The following EDIL3 variants were observed in gnomAD, a reference collection of about 807,000 sequenced individuals.
EDIL3 encodes the protein EGF-like repeat and discoidin I-like domain-containing protein 3.
A neutral mutation model predicts 67.4 loss-of-function variants in EDIL3; 37 were observed. That is an observed-to-expected ratio of 0.55 (90% CI 0.42 to 0.72). The LOEUF (loss-of-function observed/expected upper bound fraction) is 0.72, where lower values mean the gene tolerates loss of function less well. Among genes scored for constraint, EDIL3 ranks in the 30% least tolerant of loss-of-function variants. EDIL3 has a pLI of 0.00. For synonymous variants in EDIL3, 195 were observed against 196.3 expected (o/e 0.99, Z 0.05); for missense variants, 527 against 586.3 (o/e 0.90, Z 1.04).
At chr5:84,242,584 G>A (rs1744818015) in intron 2 of EDIL3, among the ~76,000 whole-genome samples, 1 of 151,964 alleles carries the variant, frequency 6.6e-6, no homozygotes, top group African/African-American at 2.4e-5. Context: ...GATTGCTTGA[G>A]CCCAGAAGTT....
Position 84,254,091 on chromosome 5 carries a change from C to T in EDIL3, c.189G>A (p.Val63=), listed in dbSNP as rs754940483. The change falls in exon 2 of 11, where the codon GTG becomes GTA. Residue 63 remains valine, a synonymous_variant. Coordinates refer to ENST00000296591, the MANE Select transcript of EDIL3 (RefSeq NM_005711.5). ...GFTDPNCSSV[V]EVASDEEEPT... is the part of the protein sequence containing the mutation. ...CTTAAATTTTGCACTTACCAACCTC[C>T]ACAACACTAGAACAGTTGGGGTCTG... The T allele has an allele frequency of 5.0e-6, 8 of 1,596,688 alleles. No individual in the cohort carries two copies. The Admixed American group carries it at 5.2e-5, about 10-fold the overall frequency.
intron 9 of EDIL3, among the ~76,000 whole-genome samples, chr5:84,032,515 T>A (rs560703635): frequency 2.0e-5 from 3 of 152,320 alleles, no homozygotes; most frequent in African/African-American, 7.2e-5. Flanking sequence ...TTCTTTTTTT[T>A]TAAATAAACT....
At chr5:84,323,519 G>A (rs113002507) in intron 1 of EDIL3, among the ~76,000 whole-genome samples, 428 of 151,898 alleles carry the variant, frequency 2.8e-3, no homozygotes, top group African/African-American at 0.01. Flanking sequence ...AAAGGTATAA[G>A]GTATAAAGGA....
chr5:84,107,872 A>G (rs1260430119), intron 5 of EDIL3, among the ~76,000 whole-genome samples: 1 of 150,908 alleles, frequency 6.6e-6, no homozygotes. Context: ...GATATAAGGA[A>G]AAGATGTTCT....
intron 3 of EDIL3, among the ~76,000 whole-genome samples, chr5:84,218,511 G>A (rs72776553): frequency 0.13 from 19,432 of 152,198 alleles, 1,560 homozygotes; most frequent in Middle Eastern, 0.19. Context: ...ACACCAGACC[G>A]AACAACTATC....
At position 84,005,150 on chromosome 5, in the gene EDIL3, A is replaced by G. The variant is rs148691342; in HGVS notation, c.1138-41790T>C. On this transcript the variant is annotated intron_variant, in intron 9 of 10. Transcript: ENST00000296591. ...AACCTGGAAGAAATTGAAACCCTGA[A>G]CAGATCAATAATGAGTTTTGAAATT... is the stretch of plus-strand genomic sequence containing the variant. 2.4e-3 allele frequency among the ~76,000 whole-genome samples: 365 copies of G among 152,236 alleles called. 1 individual carries two copies. Among genetic ancestry groups the G allele is most frequent in the African/African-American group, 8.3e-3 (344 of 41,558 alleles).
chr5:84,026,375 C>T (rs2112197596), intron 9 of EDIL3, among the ~76,000 whole-genome samples: 1 of 152,174 alleles, frequency 6.6e-6, no homozygotes, highest in African/African-American at 2.4e-5. Context: ...AATCAATTTC[C>T]TTTTCAGAGA....
chr5:84,021,830 A>G (rs1268025153), intron 9 of EDIL3, among the ~76,000 whole-genome samples: 1 of 152,008 alleles, frequency 6.6e-6, no homozygotes, highest in Non-Finnish European at 1.5e-5. Flanking sequence ...AAAAACATAC[A>G]ACCTACCAAG....
chr5:83,999,053 C>T (rs1290579397), intron 9 of EDIL3, among the ~76,000 whole-genome samples: 4 of 152,110 alleles, frequency 2.6e-5, no homozygotes, highest in Admixed American at 2.0e-4. Flanking sequence ...TACAAGTCTG[C>T]AAGAGTCACA....
intron 9 of EDIL3, among the ~76,000 whole-genome samples, chr5:84,020,619 C>T (rs1390897158): frequency 3.3e-5 from 5 of 151,640 alleles, no homozygotes; most frequent in South Asian, 2.1e-4. Flanking sequence ...CCCCTCCCGC[C>T]GACACACACA....
At chr5:84,229,085 TGTTA>T (rs1561228304) in intron 3 of EDIL3, among the ~76,000 whole-genome samples, 1 of 152,134 alleles carries the variant, frequency 6.6e-6, no homozygotes, top group Non-Finnish European at 1.5e-5. Flanking sequence ...GTTGCTGGTA[TGTTA>T]GTCTGGTCTT....
At chr5:84,245,482 G>GC (rs1744890536) in intron 2 of EDIL3, among the ~76,000 whole-genome samples, 2 of 151,982 alleles carry the variant, frequency 1.3e-5, no homozygotes, top group Admixed American at 1.3e-4. Context: ...TAAATGACTT[G>GC]CTTTATTTGG....
Position 84,141,944 on chromosome 5 carries a change from TATACATAG to T in EDIL3, c.356-4598_356-4591del, listed in dbSNP as rs1561443824. 3.8e-4 allele frequency among the ~76,000 whole-genome samples: 39 copies of T among 102,708 alleles called. 1 individual carries two copies. Among genetic ancestry groups the T allele is most frequent in the African/African-American group, 1.4e-3 (37 of 25,656 alleles). The allele number at this position is 102,708 out of a possible 152,430, so 67.4% of individuals were successfully genotyped here. On this transcript the variant is annotated intron_variant, in intron 4 of 10. Transcript: ENST00000296591. ...ATATACACATATATATATATATATA[TATACATAG>T]ATCTATCTATCTATCTATCTATCTA...
intron 5 of EDIL3, among the ~76,000 whole-genome samples, chr5:84,131,095 T>A (rs1432370389): frequency 6.6e-6 from 1 of 152,112 alleles, no homozygotes; most frequent in African/African-American, 2.4e-5. Context: ...AGGTGAGATA[T>A]ACAGGTATTT....
chr5:84,353,570 A>G (rs2112192260), intron 1 of EDIL3, among the ~76,000 whole-genome samples: 1 of 152,350 alleles, frequency 6.6e-6, no homozygotes. Flanking sequence ...TATTTCAACG[A>G]ATACTTAGGA....
At chr5:84,368,716 C>T (rs914802156) in intron 1 of EDIL3, among the ~76,000 whole-genome samples, 2 of 151,334 alleles carry the variant, frequency 1.3e-5, no homozygotes, top group African/African-American at 2.4e-5. Flanking sequence ...AAAAAATTTG[C>T]AAAACATATC....
chr5:84,237,470 T>G (rs1744704282), intron 2 of EDIL3, among the ~76,000 whole-genome samples: 1 of 152,104 alleles, frequency 6.6e-6, no homozygotes, highest in African/African-American at 2.4e-5. Flanking sequence ...TCACCTAAAT[T>G]ACTAACTAAA....
At chr5:84,205,255 C>A (rs1197331352) in intron 3 of EDIL3, among the ~76,000 whole-genome samples, 3 of 151,930 alleles carry the variant, frequency 2.0e-5, no homozygotes, top group Admixed American at 2.0e-4. Context: ...TATATATATA[C>A]CTATATGTTT....
rs757169467 is a variant in EDIL3 at position 84,366,145 on chromosome 5, TAAAGAA to T, written c.67+18157_67+18162del. On this transcript the variant is annotated intron_variant, in intron 1 of 10. Transcript: ENST00000296591. ...GTAAAAAAATATATATAAAATAAAA[TAAAGAA>T]AAACAACAGTTTATTAACCAATTAT... Among the ~76,000 whole-genome samples, 4 of 152,118 alleles carry T rather than the reference TAAAGAA, an allele frequency of 2.6e-5. No individual in the cohort carries two copies. The East Asian group carries it at 7.7e-4, about 29-fold the overall frequency.
Sources: allele counts gnomAD v4.1 joint callset (sites outside exome capture counted in the v4.1 genomes callset), GRCh38; gene constraint gnomAD v4.1.1; transcripts MANE v1.5; gene names NCBI Gene and HGNC (gene_info 2026-07-23, HGNC 2026-07-21).